The following MTSS1 variants were observed in gnomAD, a reference collection of about 807,000 sequenced individuals.
MTSS1 encodes MTSS I-BAR domain containing 1.
A neutral mutation model predicts 79.0 loss-of-function variants in MTSS1; 18 were observed. That is an observed-to-expected ratio of 0.23 (90% CI 0.16 to 0.34). The LOEUF is 0.34. Among genes scored for constraint, MTSS1 ranks in the 10% least tolerant of loss-of-function variants. MTSS1 has a pLI of 1.00. For missense variants in MTSS1, 815 were observed against 986.2 expected, an observed-to-expected ratio of 0.83 and a Z score of 2.33; for synonymous variants, 341 against 368.6, an observed-to-expected ratio of 0.93 and a Z score of 0.86.
In MTSS1 at chr8:124,614,719, G is replaced by C. The variant is rs113578389; in HGVS notation, c.209-23484C>G. ...ATGTCCCATAACAATGTTTCTATAG[G>C]AAAGAAGTACCCAATTTCAACCTGG... On this transcript the variant is annotated intron_variant, in intron 3 of 13. Coordinates refer to ENST00000518547, the MANE Select transcript of MTSS1 (RefSeq NM_014751.6). 4.3e-3 allele frequency among the ~76,000 whole-genome samples: 652 copies of C among 152,322 alleles called. 2 individuals are homozygous for C. The highest frequency in any genetic ancestry group is 0.015 in the African/African-American group (633 of 41,566).
intron 1 of MTSS1, among the ~76,000 whole-genome samples, chr8:124,719,892 C>T (rs938902548): frequency 1.1e-4 from 16 of 152,188 alleles, no homozygotes; most frequent in Non-Finnish European, 4.4e-5. Context: ...GGATTATTCA[C>T]CTCTTCTCCC....
chr8:124,553,512 G>A lies in MTSS1; in HGVS notation c.1748C>T (p.Thr583Ile), dbSNP rs768330771. The A allele has an allele frequency of 6.2e-7, 1 of 1,614,136 alleles. No homozygotes were observed. The highest frequency in any genetic ancestry group is 1.1e-5 in the South Asian group (1 of 91,084). ...LPTTLGPAMV[T>I]PGVATIRRTP... ...CCGTCGGATAGTTGCAACCCCTGGAGTGACCATAGCAGGTCCCAGGGTGGT... is the reference window on the plus strand; with the variant it reads ...CCGTCGGATAGTTGCAACCCCTGGAATGACCATAGCAGGTCCCAGGGTGGT... Residue 583 changes from threonine (T) to isoleucine (I), a missense_variant, in exon 14 of 14, where the codon ACT (threonine) becomes ATT (isoleucine). Transcript: ENST00000518547. The surrounding 1 kb of genome is among the most constrained non-coding windows in gnomAD (Gnocchi z 6.0).
intron 1 of MTSS1, among the ~76,000 whole-genome samples, chr8:124,704,515 T>C (rs1564025917): frequency 6.6e-6 from 1 of 152,144 alleles, no homozygotes; most frequent in Non-Finnish European, 1.5e-5. Context: ...CCTGAACCAC[T>C]TGTTCATGAA....
intron 3 of MTSS1, among the ~76,000 whole-genome samples, chr8:124,649,824 GAAAA>G (rs1417831655): frequency 6.6e-6 from 1 of 152,004 alleles, no homozygotes; most frequent in Non-Finnish European, 1.5e-5. Flanking sequence ...TGTGCTTGGG[GAAAA>G]ACACTGAGCT....
intron 3 of MTSS1, among the ~76,000 whole-genome samples, chr8:124,593,475 G>A (rs1832214159): frequency 6.6e-6 from 1 of 152,234 alleles, no homozygotes; most frequent in Non-Finnish European, 1.5e-5. Flanking sequence ...TCATCGAAAT[G>A]TTGTTCACAG....
intron 9 of MTSS1, among the ~76,000 whole-genome samples, chr8:124,563,898 A>G (rs1404631615): frequency 1.3e-5 from 2 of 152,206 alleles, no homozygotes. Flanking sequence ...CAGAAGGCCA[A>G]AGCGGGTGGA....
At chr8:124,653,401 T>C (rs1479739987) in intron 3 of MTSS1, among the ~76,000 whole-genome samples, 2 of 152,212 alleles carry the variant, frequency 1.3e-5, no homozygotes, top group African/African-American at 4.8e-5. Flanking sequence ...TGTTGGCATA[T>C]CACCAGAGAA....
intron 6 of MTSS1, among the ~76,000 whole-genome samples, chr8:124,570,077 GA>G (rs1439293172): frequency 1.3e-5 from 2 of 152,200 alleles, no homozygotes; most frequent in Non-Finnish European, 2.9e-5. Flanking sequence ...AAGCAGAGGA[GA>G]AAGTTTAATT....
chr8:124,560,372 G>A (rs4871500), intron 10 of MTSS1, among the ~76,000 whole-genome samples: 151,226 of 152,310 alleles, frequency 0.99, 75,076 homozygotes, highest in East Asian at 1. Flanking sequence ...AATAAAAAAT[G>A]TAAAAGAGGA....
chr8:124,727,604 C>T lies in MTSS1; in HGVS notation c.72+280G>A. ...GAAAACTTGCAGCCAGTGCCTTGAGCCCCCGAGGGAAAGAAATGGTGCCGC... is the reference window on the plus strand; with the variant it reads ...GAAAACTTGCAGCCAGTGCCTTGAGTCCCCGAGGGAAAGAAATGGTGCCGC... On this transcript the variant is annotated intron_variant, in intron 1 of 13. Transcript: ENST00000518547. This position sits in a 1 kb window ranked among gnomAD's most constrained non-coding sequence, Gnocchi z 4.7. 2 of 600,448 alleles carry T rather than the reference C, an allele frequency of 3.3e-6. No homozygotes were observed. Among genetic ancestry groups the T allele is most frequent in the Middle Eastern group, 2.6e-4 (1 of 3,840 alleles). 37.2% of individuals were successfully genotyped at this position (600,448 alleles called of 1,614,324 possible). A position where few individuals can be genotyped will look rare whatever the true frequency, so the allele number is the denominator to read the frequency against.
At chr8:124,585,824 A>C (rs1830766969) in intron 5 of MTSS1, among the ~76,000 whole-genome samples, 2 of 146,148 alleles carry the variant, frequency 1.4e-5, no homozygotes, top group Non-Finnish European at 3.0e-5. Context: ...TTGCAAAAAC[A>C]AAAAAACAAA....
intron 3 of MTSS1, among the ~76,000 whole-genome samples, chr8:124,646,192 GAAT>G (rs1818966920): frequency 6.6e-6 from 1 of 152,132 alleles, no homozygotes; most frequent in African/African-American, 2.4e-5. Flanking sequence ...CATCTCACTG[GAAT>G]ATTAGCAAGG....
chr8:124,660,432 G>GCA (rs5894719), intron 3 of MTSS1, among the ~76,000 whole-genome samples: 51,184 of 140,472 alleles, frequency 0.36, 9,365 homozygotes, highest in Non-Finnish European at 0.44. Context: ...CCATGCGCAT[G>GCA]CACACACACA....
chr8:124,641,179 GAT>G (rs1174169440), intron 3 of MTSS1, among the ~76,000 whole-genome samples: 3 of 152,142 alleles, frequency 2.0e-5, no homozygotes, highest in African/African-American at 7.2e-5. Flanking sequence ...CCAGTGCCCT[GAT>G]GGGTCAAATG....
At chr8:124,670,988 G>A (rs1289286161) in intron 3 of MTSS1, among the ~76,000 whole-genome samples, 1 of 151,956 alleles carries the variant, frequency 6.6e-6, no homozygotes, top group Non-Finnish European at 1.5e-5. Context: ...ATAGTGATTA[G>A]TCCTGATGAA....
intron 3 of MTSS1, among the ~76,000 whole-genome samples, chr8:124,680,231 T>C (rs1825913688): frequency 6.6e-6 from 1 of 152,250 alleles, no homozygotes; most frequent in African/African-American, 2.4e-5. Flanking sequence ...ACACAAGGGC[T>C]GTGTCCAAGC....
rs1283532608 is a variant in MTSS1, at chr8:124,721,989, A to C, written c.72+5895T>G. On this transcript the variant is annotated intron_variant, in intron 1 of 13. Coordinates refer to ENST00000518547, the MANE Select transcript of MTSS1 (RefSeq NM_014751.6). ...TGTCGCATAGTAGGCAGCAGAGGGGACCCAGGCAAAACCTGCTGCCCACCT... is the reference window on the plus strand; with the variant it reads ...TGTCGCATAGTAGGCAGCAGAGGGGCCCCAGGCAAAACCTGCTGCCCACCT... Among the ~76,000 whole-genome samples the C allele has an allele frequency of 2.0e-5, 3 of 152,272 alleles. No individual in the cohort carries two copies. In the East Asian group the frequency reaches 5.8e-4, roughly 29 times the overall value.
In MTSS1 at chr8:124,683,077, A is replaced by C. The variant is rs954583505; in HGVS notation, c.208+16449T>G. Among the ~76,000 whole-genome samples, 12 of 152,098 alleles carry C rather than the reference A, an allele frequency of 7.9e-5. No individual in the cohort carries two copies. The highest frequency in any genetic ancestry group is 2.6e-4 in the Admixed American group (4 of 15,266). ...TCCTAAAGTAGTGAAATGACAGTACATTCAACTATCTGGCCCCATTTTATT... is the reference window on the plus strand; with the variant it reads ...TCCTAAAGTAGTGAAATGACAGTACCTTCAACTATCTGGCCCCATTTTATT... On this transcript the variant is annotated intron_variant, in intron 3 of 13. Coordinates refer to ENST00000518547, the MANE Select transcript of MTSS1 (RefSeq NM_014751.6). This position sits in a 1 kb window ranked among gnomAD's most constrained non-coding sequence, Gnocchi z 4.5.
intron 13 of MTSS1, among the ~76,000 whole-genome samples, chr8:124,555,307 G>A (rs1302700891): frequency 2.0e-5 from 3 of 151,966 alleles, no homozygotes; most frequent in Admixed American, 6.5e-5. Context: ...GTGCAGTGGC[G>A]CGATCTCAGC....
Sources: allele counts gnomAD v4.1 joint callset (sites outside exome capture counted in the v4.1 genomes callset), GRCh38; gene constraint gnomAD v4.1.1; non-coding constraint Gnocchi (gnomAD v3.1); transcripts MANE v1.5; gene names NCBI Gene and HGNC (gene_info 2026-07-23, HGNC 2026-07-21).